SLC22A8: variants seen among roughly 807,000 people sequenced by gnomAD.
SLC22A8 encodes the protein solute carrier family 22 member 8, also known as organic anion transporter 3.
In SLC22A8, 40 loss-of-function variants were observed where a neutral mutation model predicts 48.4. The observed-to-expected ratio is 0.83, with a 90% CI of 0.64 to 1.08. The LOEUF is 1.08. SLC22A8 is among the 50% of genes least tolerant of loss of function. The probability of loss-of-function intolerance (pLI) is 0.00; values close to 1 mark genes in which losing one functional copy is unlikely to be tolerated. For synonymous variants in SLC22A8, 268 were observed against 286.3 expected (o/e 0.94, Z 0.65); for missense variants, 606 against 699.0 (o/e 0.87, Z 1.50).
chr11:63,007,775 A>C (rs915826133), intron 2 of SLC22A8, among the ~76,000 whole-genome samples: 1 of 152,218 alleles, frequency 6.6e-6, no homozygotes, highest in Non-Finnish European at 1.5e-5. Context: ...GAAGAAAGAG[A>C]AAAGCACGAT....
At chr11:62,997,316 C>T (rs540420654) in intron 5 of SLC22A8, among the ~76,000 whole-genome samples, 1 of 152,292 alleles carries the variant, frequency 6.6e-6, no homozygotes, top group East Asian at 1.9e-4. Flanking sequence ...CCTCCACCTC[C>T]CGGGTTCAAG....
rs1317559591 is a variant in SLC22A8, at chr11:62,998,921, C to G, written c.761G>C (p.Trp254Ser). ...IPFFVFFLSS[W>S]WTPESIRWLV... ...AGATGAAGAGGAGAGGGCCACATAC[C>G]AGGATGATAGGAAGAAGACGAAGAA... Residue 254 changes from tryptophan (W) to serine (S), a missense_variant and splice_region_variant, in exon 5 of 11, where the codon TGG (tryptophan) becomes TCG (serine). Coordinates refer to ENST00000336232, the MANE Select transcript of SLC22A8 (RefSeq NM_004254.4). 19 of 1,603,758 alleles carry G rather than the reference C, an allele frequency of 1.2e-5. No individual in the cohort carries two copies. The highest frequency in any genetic ancestry group is 1.5e-5 in the Non-Finnish European group (17 of 1,171,858).
intron 8 of SLC22A8, chr11:62,994,171 A>G (rs1258284266): frequency 1.9e-6 from 1 of 525,340 alleles, no homozygotes; most frequent in Non-Finnish European, 3.4e-6. Context: ...CCCATATAAA[A>G]TAAACGTAGC....
intron 2 of SLC22A8, 48 bp downstream of exon 2, chr11:63,014,578 T>G: frequency 2.7e-6 from 4 of 1,475,910 alleles, no homozygotes; most frequent in Non-Finnish European, 3.7e-6. Context: ...CGGTGCAGGG[T>G]ATGGGGGTAC....
chr11:62,994,460 G>C, intron 8 of SLC22A8, 82 bp downstream of exon 8: 1 of 1,028,508 alleles, frequency 9.7e-7, no homozygotes, highest in East Asian at 2.6e-5. Context: ...CAGTGACTTA[G>C]AGGCAGAGCC....
chr11:63,012,253 G>A (rs117476601), intron 2 of SLC22A8, among the ~76,000 whole-genome samples: 6,988 of 152,072 alleles, frequency 0.046, 188 homozygotes, highest in South Asian at 0.11. Context: ...GCCTCCCAAA[G>A]TAGCTGGGAT....
intron 2 of SLC22A8, 33 bp downstream of exon 2, chr11:63,014,593 G>T (rs751577047): frequency 1.3e-6 from 2 of 1,538,860 alleles, no homozygotes; most frequent in South Asian, 2.4e-5. Flanking sequence ...GGGTACGTGG[G>T]TAAGTGGAGG....
intron 2 of SLC22A8, among the ~76,000 whole-genome samples, chr11:63,011,667 G>A (rs768853133): frequency 3.4e-4 from 51 of 152,028 alleles, no homozygotes; most frequent in African/African-American, 1.2e-3. Context: ...TCTATCTGTC[G>A]TCTTTGTCCT....
chr11:62,995,101 T>C (rs11820657), intron 7 of SLC22A8: 9,908 of 381,258 alleles, frequency 0.026, 866 homozygotes, highest in African/African-American at 0.19. Context: ...ACATCCAGAC[T>C]GGCGAGGTGA....
At position 63,014,620 on chromosome 11, in the gene SLC22A8, G is replaced by C. The variant is rs375925658; in HGVS notation, c.333+6C>G. The stretch of plus-strand genomic sequence containing the variant: ...AAGTGGAGGGAGAGGGTTTGCCCAG[G>C]CATACCTCTGTCACAATGGAGTCCT... On this transcript the variant is annotated splice_donor_region_variant and intron_variant, in intron 2 of 10. Transcript: ENST00000336232. The C allele has an allele frequency of 1.3e-6, 2 of 1,577,964 alleles. No individual in the cohort carries two copies.
At chr11:63,014,213 G>A (rs889300816) in intron 2 of SLC22A8, among the ~76,000 whole-genome samples, 2 of 152,024 alleles carry the variant, frequency 1.3e-5, no homozygotes, top group African/African-American at 4.8e-5. Flanking sequence ...CATTCCCCAC[G>A]CCCTCACTCT....
At chr11:63,011,449 A>G (rs1259034794) in intron 2 of SLC22A8, among the ~76,000 whole-genome samples, 2 of 152,138 alleles carry the variant, frequency 1.3e-5, no homozygotes, top group African/African-American at 4.8e-5. Context: ...TTTGGAGGAC[A>G]TGGGCGGTGG....
At chr11:63,009,245 G>A (rs769394273) in intron 2 of SLC22A8, among the ~76,000 whole-genome samples, 117 of 152,246 alleles carry the variant, frequency 7.7e-4, no homozygotes, top group Non-Finnish European at 1.2e-3. Context: ...GAGGGTCAGA[G>A]GCGGCTGACC....
At chr11:63,015,337 C>T (rs573174930) in intron 1 of SLC22A8, among the ~76,000 whole-genome samples, 12 of 152,310 alleles carry the variant, frequency 7.9e-5, no homozygotes, top group African/African-American at 2.6e-4. Context: ...CCTGCGGACA[C>T]GAGCATGTGT....
At chr11:63,014,488 G>A (rs1017795973) in intron 2 of SLC22A8, 138 bp downstream of exon 2, 11 of 722,380 alleles carry the variant, frequency 1.5e-5, no homozygotes, top group Admixed American at 5.0e-5. Context: ...CTGCACTCAG[G>A]TCCTTCCTCT....
At position 63,008,290 on chromosome 11, in the gene SLC22A8, G is replaced by T. The variant is rs150086836; in HGVS notation, c.333+6336C>A. 7.2e-4 allele frequency among the ~76,000 whole-genome samples: 109 copies of T among 152,346 alleles called. 1 individual carries two copies. Among genetic ancestry groups the T allele is most frequent in the African/African-American group, 2.5e-3 (102 of 41,590 alleles). On this transcript the variant is annotated intron_variant, in intron 2 of 10. Transcript: ENST00000336232. ...AGCAGGATGGGGCCCTGCTGTGTGT[G>T]CGGGGAGCTGGCTGAACCAGGAAAC...
intron 4 of SLC22A8, 71 bp from the exon 5 acceptor site, chr11:62,999,160 A>G (rs2086460852): frequency 6.6e-6 from 9 of 1,365,824 alleles, no homozygotes; most frequent in African/African-American, 1.4e-5. Flanking sequence ...AAGGGGCACC[A>G]GCTTCTGCAT....
chr11:63,006,894 A>C (rs1322165345), intron 2 of SLC22A8, among the ~76,000 whole-genome samples: 1 of 151,854 alleles, frequency 6.6e-6, no homozygotes, highest in African/African-American at 2.4e-5. Flanking sequence ...GGCGTGAGCC[A>C]CCGCGCCCAG....
In SLC22A8 at chr11:62,998,855, G is replaced by A. The variant is rs905501165; in HGVS notation, c.761+66C>T. On this transcript the variant is annotated intron_variant, in intron 5 of 10. Transcript: ENST00000336232. ...ACACAGAGTTGGCCAGCCTGGGCAG[G>A]TATGGGCTCCCCTGTTTGGCCCTGG... The A allele has an allele frequency of 6.8e-6, 10 of 1,463,432 alleles. 1 individual carries two copies. In the South Asian group the frequency reaches 1.3e-4, roughly 18 times the overall value. 90.7% of individuals were successfully genotyped at this position (1,463,432 alleles called of 1,614,324 possible).
Sources: gnomAD v4.1 joint callset for allele counts (sites outside exome capture counted in the v4.1 genomes callset) on GRCh38, gnomAD v4.1.1 for gene constraint, MANE v1.5 for transcripts, NCBI Gene and HGNC (gene_info 2026-07-23, HGNC 2026-07-21) for gene names.